The following NCOA7 variants were observed in gnomAD, a reference collection of about 807,000 sequenced individuals.
The protein encoded by NCOA7 is 140 kDa estrogen receptor-associated protein.
NCOA7 carries 45 observed loss-of-function variants against 104.3 expected under a neutral mutation model. That is an observed-to-expected ratio of 0.43 (90% CI 0.34 to 0.55). The LOEUF is 0.55. NCOA7 is among the 20% of genes least tolerant of loss of function. The probability of loss-of-function intolerance (pLI) is 0.02; values close to 1 mark genes in which losing one functional copy is unlikely to be tolerated. For missense variants in NCOA7, 1,041 were observed against 1,119.7 expected (o/e 0.93, Z 1.00); for synonymous variants, 398 against 402.3 (o/e 0.99, Z 0.13).
chr6:125,912,028 G>A (rs777188273), intron 10 of NCOA7, among the ~76,000 whole-genome samples: 1 of 152,206 alleles, frequency 6.6e-6, no homozygotes, highest in Non-Finnish European at 1.5e-5. Flanking sequence ...TTACCGTGAG[G>A]TAAAACTTTC....
chr6:125,885,045 A>T, intron 7 of NCOA7, 114 bp from the exon 8 acceptor site: 1 of 1,006,090 alleles, frequency 9.9e-7, no homozygotes, highest in East Asian at 2.4e-5. Flanking sequence ...GTCACATAGG[A>T]TACTGTGGTT....
Position 125,928,624 on chromosome 6 carries a change from T to A in NCOA7, c.2694-12T>A. 2 of 1,578,764 alleles carry A rather than the reference T, an allele frequency of 1.3e-6. No homozygotes were observed. Among genetic ancestry groups the A allele is most frequent in the South Asian group, 1.2e-5 (1 of 84,618 alleles). On this transcript the variant is annotated splice_polypyrimidine_tract_variant and intron_variant, in intron 15 of 15. Coordinates refer to ENST00000392477, the MANE Select transcript of NCOA7 (RefSeq NM_181782.5). ...GTGTTTTTACCTTTTTTTTTTTTTT[T>A]AACCTTTTCAGGGGACGATTTGGTT... is the stretch of plus-strand genomic sequence containing the variant.
At chr6:125,842,394 C>T (rs1320138032) in intron 2 of NCOA7, among the ~76,000 whole-genome samples, 1 of 152,046 alleles carries the variant, frequency 6.6e-6, no homozygotes, top group African/African-American at 2.4e-5. Context: ...TGCTGTTCTT[C>T]CAGAATTATG....
At chr6:125,907,226 A>G (rs1391318366) in intron 10 of NCOA7, among the ~76,000 whole-genome samples, 2 of 152,176 alleles carry the variant, frequency 1.3e-5, no homozygotes, top group Non-Finnish European at 2.9e-5. Flanking sequence ...TGAACATCTC[A>G]GAGGAAAGAA....
At chr6:125,920,882 A>T in intron 11 of NCOA7, 61 bp from the exon 12 acceptor site, 1 of 1,583,632 alleles carries the variant, frequency 6.3e-7, no homozygotes, top group South Asian at 1.1e-5. Flanking sequence ...GTGATTTTTT[A>T]AATTAGCAGT....
At chr6:125,833,881 A>G (rs1779394147) in intron 2 of NCOA7, among the ~76,000 whole-genome samples, 1 of 152,160 alleles carries the variant, frequency 6.6e-6, no homozygotes. Flanking sequence ...TAAAGTTAAC[A>G]CTAGCTTAAG....
chr6:125,799,729 G>A (rs766742439), intron 1 of NCOA7, among the ~76,000 whole-genome samples: 5 of 152,020 alleles, frequency 3.3e-5, no homozygotes, highest in African/African-American at 4.8e-5. Context: ...GACATGAACC[G>A]CTTTGCCGGG....
At chr6:125,904,865 C>T (rs1466428506) in intron 10 of NCOA7, among the ~76,000 whole-genome samples, 1 of 152,172 alleles carries the variant, frequency 6.6e-6, no homozygotes, top group Non-Finnish European at 1.5e-5. Context: ...TTTTGCCTGT[C>T]TGCTGTTTCT....
intron 3 of NCOA7, among the ~76,000 whole-genome samples, chr6:125,867,762 A>T (rs1213097738): frequency 1.3e-5 from 2 of 152,180 alleles, no homozygotes. Context: ...CAGAAACCTT[A>T]AACACTGTGC....
intron 2 of NCOA7, among the ~76,000 whole-genome samples, chr6:125,842,399 A>G (rs1201035270): frequency 1.3e-5 from 2 of 152,200 alleles, no homozygotes; most frequent in African/African-American, 4.8e-5. Flanking sequence ...TTCTTCCAGA[A>G]TTATGTCACT....
intron 10 of NCOA7, chr6:125,913,661 AAAG>A: frequency 1.0e-6 from 1 of 984,048 alleles, no homozygotes; most frequent in Non-Finnish European, 1.2e-6. Flanking sequence ...AGAACTCTCT[AAAG>A]AAATACACCT....
chr6:125,910,667 A>G (rs1321969078), intron 10 of NCOA7, among the ~76,000 whole-genome samples: 4 of 152,358 alleles, frequency 2.6e-5, no homozygotes, highest in Admixed American at 2.0e-4. Flanking sequence ...GAAAATGACA[A>G]GTTGAATTGT....
At chr6:125,878,172 A>T in intron 4 of NCOA7, 91 bp from the exon 5 acceptor site, 1 of 643,338 alleles carries the variant, frequency 1.6e-6, no homozygotes, top group Non-Finnish European at 2.5e-6. Context: ...TTAGTTTGTT[A>T]TTTATTCATA....
chr6:125,869,981 C>G (rs1007383336), intron 3 of NCOA7, among the ~76,000 whole-genome samples: 1 of 152,254 alleles, frequency 6.6e-6, no homozygotes, highest in Non-Finnish European at 1.5e-5. Flanking sequence ...ACTAGTTCAT[C>G]ATGCCATTCC....
chr6:125,868,319 A>G (rs1782606042), intron 3 of NCOA7, among the ~76,000 whole-genome samples: 1 of 152,098 alleles, frequency 6.6e-6, no homozygotes, highest in Admixed American at 6.5e-5. Flanking sequence ...TTAACATACT[A>G]CTCTATTCAC....
intron 6 of NCOA7, 39 bp from the exon 7 acceptor site, chr6:125,882,387 G>A: frequency 6.2e-7 from 1 of 1,604,910 alleles, no homozygotes. Flanking sequence ...TGTTTGAAAA[G>A]TGCTTTTATT....
chr6:125,824,452 T>C (rs138080511), intron 2 of NCOA7, among the ~76,000 whole-genome samples: 20 of 152,292 alleles, frequency 1.3e-4, no homozygotes, highest in African/African-American at 4.8e-4. Context: ...CCTTATAAGG[T>C]TATTGAGAGG....
chr6:125,804,215 A>AT (rs1361727485), intron 1 of NCOA7, among the ~76,000 whole-genome samples: 5 of 152,360 alleles, frequency 3.3e-5, no homozygotes, highest in African/African-American at 1.2e-4. Context: ...TTAGGAATGA[A>AT]TCTGTCTGTT....
intron 3 of NCOA7, among the ~76,000 whole-genome samples, chr6:125,871,151 C>T (rs993574418): frequency 7.9e-5 from 12 of 152,106 alleles, no homozygotes; most frequent in Non-Finnish European, 2.9e-5. Flanking sequence ...TTCTTGTACA[C>T]GGGGAGGGTG....
Sources: allele counts gnomAD v4.1 joint callset (sites outside exome capture counted in the v4.1 genomes callset), GRCh38; gene constraint gnomAD v4.1.1; transcripts MANE v1.5; gene names NCBI Gene and HGNC (gene_info 2026-07-23, HGNC 2026-07-21).